The following CSMD1 variants were observed in gnomAD, a reference collection of about 807,000 sequenced individuals.
The protein encoded by CSMD1 is CUB and sushi domain-containing protein 1.
Under a neutral mutation model 417.5 loss-of-function variants are expected in CSMD1, and 213 were observed. The observed-to-expected ratio is 0.51, with a 90% CI of 0.46 to 0.57. CSMD1 has a LOEUF of 0.57. Ranked by LOEUF, CSMD1 falls within the 20% of genes least tolerant of loss-of-function variation. The pLI is 0.00. For missense variants in CSMD1, 6,923 were observed against 4,529.7 expected (o/e 1.53, Z -15.17); for synonymous variants, 2,862 against 1,736.8 (o/e 1.65, Z -16.11).
At chr8:4,116,829 A>T (rs200718322) in intron 3 of CSMD1, among the ~76,000 whole-genome samples, 6 of 58,090 alleles carry the variant, frequency 1.0e-4, no homozygotes, top group Non-Finnish European at 2.4e-4. Context: ...AGGGTCTATT[A>T]AAAAAAAACA....
chr8:4,394,567 C>T (rs889747238), intron 3 of CSMD1, among the ~76,000 whole-genome samples: 1 of 152,114 alleles, frequency 6.6e-6, no homozygotes, highest in Non-Finnish European at 1.5e-5. Flanking sequence ...GACTTTGGTT[C>T]AACCCATGTC....
intron 2 of CSMD1, among the ~76,000 whole-genome samples, chr8:4,551,495 A>C (rs1230784833): frequency 3.9e-5 from 6 of 152,078 alleles, no homozygotes; most frequent in Non-Finnish European, 7.4e-5. Flanking sequence ...TTTGCAGAAA[A>C]ACAACTTGAA....
chr8:3,536,091 C>G (rs1227103997), intron 10 of CSMD1, among the ~76,000 whole-genome samples: 1 of 152,206 alleles, frequency 6.6e-6, no homozygotes, highest in Non-Finnish European at 1.5e-5. Flanking sequence ...CCCCAAGTAG[C>G]TGATAAATAT....
At chr8:4,084,212 G>C (rs1221678945) in intron 3 of CSMD1, among the ~76,000 whole-genome samples, 1 of 151,534 alleles carries the variant, frequency 6.6e-6, no homozygotes, top group African/African-American at 2.4e-5. Flanking sequence ...TTTTCAGTTA[G>C]TTTTACTCTG....
chr8:3,510,801 T>C (rs1474586075), intron 10 of CSMD1, among the ~76,000 whole-genome samples: 5 of 151,884 alleles, frequency 3.3e-5, no homozygotes, highest in African/African-American at 9.7e-5. Flanking sequence ...GCCGCATAAA[T>C]GTCTTCTTTT....
chr8:3,818,453 T>A (rs549614328), intron 5 of CSMD1, among the ~76,000 whole-genome samples: 1 of 152,282 alleles, frequency 6.6e-6, no homozygotes, highest in East Asian at 1.9e-4. Flanking sequence ...ATGGATCAGC[T>A]ATCCAGTGAG....
chr8:4,344,106 A>T (rs1016238180), intron 3 of CSMD1, among the ~76,000 whole-genome samples: 1 of 152,132 alleles, frequency 6.6e-6, no homozygotes, highest in Non-Finnish European at 1.5e-5. Context: ...CACCTCGAGT[A>T]AAAGGCCTAT....
rs1299270401 is a variant in CSMD1 at position 2,936,081 on chromosome 8, A to G, written c.*2504T>C. The G allele has an allele frequency of 6.6e-6, 1 of 152,186 alleles. No individual in the cohort carries two copies. Among genetic ancestry groups the G allele is most frequent in the South Asian group, 2.1e-4 (1 of 4,832 alleles). 9.4% of individuals were successfully genotyped at this position (152,186 alleles called of 1,614,324 possible). A position where few individuals can be genotyped will look rare whatever the true frequency, so the allele number is the denominator to read the frequency against. ...GCCGTTCAACACTGCACACAACCTT[A>G]GGAAGAAACTAGGCAGAATTCTCAC... is the stretch of plus-strand genomic sequence containing the variant. On this transcript the variant is annotated 3_prime_UTR_variant, in exon 70 of 70. Transcript: ENST00000635120.
At chr8:4,085,882 G>T (rs942261371) in intron 3 of CSMD1, among the ~76,000 whole-genome samples, 1 of 152,082 alleles carries the variant, frequency 6.6e-6, no homozygotes, top group African/African-American at 2.4e-5. Flanking sequence ...TATTATTATT[G>T]TACTCTAGTT....
chr8:3,190,646 A>G (rs1796360398), intron 33 of CSMD1, among the ~76,000 whole-genome samples: 1 of 152,196 alleles, frequency 6.6e-6, no homozygotes, highest in Admixed American at 6.5e-5. Context: ...TACTTATCTA[A>G]AGGAATTTAA....
intron 23 of CSMD1, among the ~76,000 whole-genome samples, chr8:3,324,332 G>A (rs28670667): frequency 6.0e-4 from 87 of 144,670 alleles, no homozygotes; most frequent in African/African-American, 2.1e-3. Flanking sequence ...CCCACTAGTC[G>A]TCACTGTTAA....
chr8:3,576,571 G>A (rs1453653487), intron 9 of CSMD1, among the ~76,000 whole-genome samples: 1 of 152,176 alleles, frequency 6.6e-6, no homozygotes, highest in Non-Finnish European at 1.5e-5. Flanking sequence ...TGATAAGTGT[G>A]TTAAAATTAA....
At chr8:3,751,476 C>T (rs1469271747) in intron 6 of CSMD1, among the ~76,000 whole-genome samples, 1 of 147,856 alleles carries the variant, frequency 6.8e-6, no homozygotes, top group Non-Finnish European at 1.5e-5. Context: ...TATAATTAAG[C>T]ATATATTATA....
intron 1 of CSMD1, among the ~76,000 whole-genome samples, chr8:4,748,574 G>C (rs971632421): frequency 6.6e-6 from 1 of 152,170 alleles, no homozygotes; most frequent in Non-Finnish European, 1.5e-5. Flanking sequence ...ATTGGGTTCA[G>C]CATTCTGAGA....
chr8:2,947,171 A>G (rs941686241), intron 68 of CSMD1, among the ~76,000 whole-genome samples: 9 of 152,142 alleles, frequency 5.9e-5, no homozygotes, highest in African/African-American at 2.2e-4. Context: ...CTTTGTGTGT[A>G]TGTTAGGGTT....
rs996776831 is a variant in CSMD1, at chr8:3,284,392, G to A, written c.3951-46C>T. The A allele has an allele frequency of 1.6e-5, 23 of 1,439,706 alleles. No individual in the cohort carries two copies. The Admixed American group carries it at 2.0e-4, about 13-fold the overall frequency. The allele number at this position is 1,439,706 out of a possible 1,614,324, so 89.2% of individuals were successfully genotyped here. A position where few individuals can be genotyped will look rare whatever the true frequency, so the allele number is the denominator to read the frequency against. On this transcript the variant is annotated intron_variant, in intron 25 of 69. Transcript: ENST00000635120. The stretch of plus-strand genomic sequence containing the variant: ...GCGCTACTTGCCGTGCATCGAGCAT[G>A]TCCTGACCCCATAGCTGTAAAGTAA...
intron 3 of CSMD1, among the ~76,000 whole-genome samples, chr8:4,377,624 G>C (rs1376027221): frequency 6.6e-6 from 1 of 152,172 alleles, no homozygotes; most frequent in African/African-American, 2.4e-5. Context: ...TGCAAAACTA[G>C]AGGTTCAATG....
Position 3,366,962 on chromosome 8 carries a change from A to C in CSMD1, c.3115+70T>G, listed in dbSNP as rs1809615021. 9 of 1,190,530 alleles carry C rather than the reference A, an allele frequency of 7.6e-6. No individual in the cohort carries two copies. The South Asian group carries it at 1.2e-4, about 15-fold the overall frequency. 73.7% of individuals were successfully genotyped at this position (1,190,530 alleles called of 1,614,324 possible). ...ACATTACACACACACACACACCCAC[A>C]CACATTCTCACTAACAGAAATGGCA... is the stretch of plus-strand genomic sequence containing the variant. On this transcript the variant is annotated intron_variant, in intron 20 of 69. Transcript: ENST00000635120.
chr8:3,931,883 G>C lies in CSMD1; in HGVS notation c.818+66020C>G, dbSNP rs115280976. On this transcript the variant is annotated intron_variant, in intron 5 of 69. Coordinates refer to ENST00000635120, the MANE Select transcript of CSMD1 (RefSeq NM_033225.6). ...AAGGGAGAAGTGATTTTGGTTGTCA[G>C]ACATTGTAGGAAAAGAAACAGAAAA... 6.4e-3 allele frequency among the ~76,000 whole-genome samples: 927 copies of C among 144,668 alleles called. 63 individuals carry two copies. The highest frequency in any genetic ancestry group is 0.023 in the African/African-American group (898 of 38,726). The allele number at this position is 144,668 out of a possible 152,430, so 94.9% of individuals were successfully genotyped here.
Sources: gnomAD v4.1 joint callset for allele counts (sites outside exome capture counted in the v4.1 genomes callset) on GRCh38, gnomAD v4.1.1 for gene constraint, MANE v1.5 for transcripts, NCBI Gene and HGNC (gene_info 2026-07-23, HGNC 2026-07-21) for gene names.